CTNNA2: variants seen among roughly 807,000 people sequenced by gnomAD.
CTNNA2 encodes the protein catenin alpha-2.
A neutral mutation model predicts 101.0 loss-of-function variants in CTNNA2; 42 were observed. The ratio of observed to expected loss-of-function variants is 0.42; its 90% CI spans 0.32 to 0.54. The LOEUF (loss-of-function observed/expected upper bound fraction) is 0.54, where lower values mean the gene tolerates loss of function less well. Ranked by LOEUF, CTNNA2 falls within the 20% of genes least tolerant of loss-of-function variation. The pLI is 0.14. For synonymous variants in CTNNA2, 450 were observed against 456.4 expected (o/e 0.99, Z 0.18); for missense variants, 871 against 1,223.1 (o/e 0.71, Z 4.29).
At chr2:79,713,912 C>A (rs1047049577) in intron 2 of CTNNA2, among the ~76,000 whole-genome samples, 2 of 152,174 alleles carry the variant, frequency 1.3e-5, no homozygotes, top group Non-Finnish European at 2.9e-5. Context: ...TCATTGATTT[C>A]TTTGCTTATC....
chr2:79,999,868 A>G (rs1007886548), intron 7 of CTNNA2, among the ~76,000 whole-genome samples: 6 of 152,174 alleles, frequency 3.9e-5, no homozygotes, highest in African/African-American at 1.4e-4. Flanking sequence ...GCCACAGGAC[A>G]CTTTTAGTCA....
chr2:79,306,471 T>C (rs968748113), intron 2 of CTNNA2, among the ~76,000 whole-genome samples: 8 of 152,248 alleles, frequency 5.3e-5, no homozygotes, highest in African/African-American at 1.9e-4. Flanking sequence ...ACATAATTTT[T>C]GTTAATTAAA....
At chr2:80,530,322 C>G (rs1176868136) in intron 9 of CTNNA2, among the ~76,000 whole-genome samples, 1 of 152,134 alleles carries the variant, frequency 6.6e-6, no homozygotes, top group Non-Finnish European at 1.5e-5. Context: ...GCAATTGCAG[C>G]CCTCAGTAGC....
At chr2:79,616,783 A>C (rs1347564426) in intron 1 of CTNNA2, among the ~76,000 whole-genome samples, 1 of 152,172 alleles carries the variant, frequency 6.6e-6, no homozygotes, top group Non-Finnish European at 1.5e-5. Context: ...AATTTAACTT[A>C]CTAATAGAAT....
intron 7 of CTNNA2, among the ~76,000 whole-genome samples, chr2:80,195,866 G>A (rs1706799593): frequency 6.6e-6 from 1 of 151,974 alleles, no homozygotes; most frequent in Admixed American, 6.6e-5. Context: ...GATCACTTGA[G>A]GGCAAGAAAT....
chr2:80,243,405 T>G (rs1363585992), intron 7 of CTNNA2, among the ~76,000 whole-genome samples: 1 of 152,042 alleles, frequency 6.6e-6, no homozygotes, highest in Non-Finnish European at 1.5e-5. Context: ...AATATTTCCT[T>G]GGGCTATTTG....
At chr2:79,441,108 G>A (rs1678773203) in intron 4 of CTNNA2, among the ~76,000 whole-genome samples, 1 of 152,086 alleles carries the variant, frequency 6.6e-6, no homozygotes, top group South Asian at 2.1e-4. Flanking sequence ...CCCCAGAATG[G>A]AGCAGTTCAC....
In CTNNA2 at chr2:79,688,248, G is replaced by A. The variant is rs534590067; in HGVS notation, c.102+36590G>A. Among the ~76,000 whole-genome samples, 3 of 152,098 alleles carry A rather than the reference G, an allele frequency of 2.0e-5. No individual in the cohort carries two copies. The South Asian group carries it at 6.2e-4, about 32-fold the overall frequency. On this transcript the variant is annotated intron_variant, in intron 2 of 18. Transcript: ENST00000402739. The stretch of plus-strand genomic sequence containing the variant: ...TGTGGGCTTAAGCCAAAAAATATCA[G>A]TAAAGCTCATAAACGAGTGCCAGTA...
chr2:79,974,395 G>A (rs776657820), intron 7 of CTNNA2, among the ~76,000 whole-genome samples: 4 of 152,060 alleles, frequency 2.6e-5, no homozygotes, highest in Non-Finnish European at 5.9e-5. Context: ...CTTATTTCAG[G>A]CACCATTTTC....
At chr2:79,730,657 T>C (rs1687139511) in intron 2 of CTNNA2, among the ~76,000 whole-genome samples, 1 of 152,044 alleles carries the variant, frequency 6.6e-6, no homozygotes. Context: ...TCATTATTTC[T>C]AAAAGTAGCT....
chr2:79,865,368 T>C (rs1436133960), intron 4 of CTNNA2, among the ~76,000 whole-genome samples: 3 of 152,186 alleles, frequency 2.0e-5, no homozygotes, highest in Non-Finnish European at 2.9e-5. Context: ...AACTCCTATT[T>C]CCAAGATAGT....
intron 7 of CTNNA2, among the ~76,000 whole-genome samples, chr2:80,312,466 G>A (rs373744532): frequency 3.9e-5 from 6 of 152,198 alleles, no homozygotes; most frequent in African/African-American, 1.2e-4. Flanking sequence ...AATGAGTCAG[G>A]ACAGAGCAGA....
At chr2:79,355,145 T>C (rs1202800780) in intron 3 of CTNNA2, among the ~76,000 whole-genome samples, 3 of 152,172 alleles carry the variant, frequency 2.0e-5, no homozygotes, top group Non-Finnish European at 4.4e-5. Context: ...TGTAGTATAA[T>C]TTTAAGTCAG....
intron 2 of CTNNA2, among the ~76,000 whole-genome samples, chr2:79,695,033 T>C (rs1013694025): frequency 2.3e-4 from 35 of 151,354 alleles, no homozygotes; most frequent in African/African-American, 7.5e-4. Flanking sequence ...CATTTTTTTT[T>C]TTTTGGGGTA....
chr2:79,806,136 C>A (rs1022704575), intron 3 of CTNNA2, among the ~76,000 whole-genome samples: 17 of 151,972 alleles, frequency 1.1e-4, no homozygotes, highest in African/African-American at 4.1e-4. Flanking sequence ...GATTCAAATG[C>A]CATGTTGCAG....
intron 9 of CTNNA2, among the ~76,000 whole-genome samples, chr2:80,488,992 T>C (rs1686815713): frequency 6.6e-6 from 1 of 152,172 alleles, no homozygotes; most frequent in Non-Finnish European, 1.5e-5. Flanking sequence ...TGGTTTTGGA[T>C]TTCTTTGAAG....
At chr2:79,255,457 T>C (rs2104278451) in intron 2 of CTNNA2, among the ~76,000 whole-genome samples, 1 of 152,254 alleles carries the variant, frequency 6.6e-6, no homozygotes, top group Non-Finnish European at 1.5e-5. Context: ...CTCTCAATCT[T>C]TCGAATAGAG....
At chr2:80,220,293 T>G (rs1403437597) in intron 7 of CTNNA2, among the ~76,000 whole-genome samples, 1 of 152,248 alleles carries the variant, frequency 6.6e-6, no homozygotes, top group Non-Finnish European at 1.5e-5. Flanking sequence ...CACTGAATAT[T>G]TTTGACACAC....
At chr2:79,740,126 A>G (rs1671186527) in intron 2 of CTNNA2, among the ~76,000 whole-genome samples, 1 of 152,020 alleles carries the variant, frequency 6.6e-6, no homozygotes, top group Non-Finnish European at 1.5e-5. Flanking sequence ...ATTTAACCTA[A>G]TGCTTATTAA....
Sources: allele counts gnomAD v4.1 joint callset (sites outside exome capture counted in the v4.1 genomes callset), GRCh38; gene constraint gnomAD v4.1.1; transcripts MANE v1.5; gene names NCBI Gene and HGNC (gene_info 2026-07-23, HGNC 2026-07-21).